AGBL4: variants seen among roughly 807,000 people sequenced by gnomAD.
AGBL4 encodes the protein AGBL carboxypeptidase 4.
In AGBL4, 58 loss-of-function variants were observed where a neutral mutation model predicts 66.4. The observed-to-expected ratio is 0.87, with a 90% CI of 0.71 to 1.09. AGBL4 has a LOEUF of 1.09. AGBL4 is among the 50% of genes least tolerant of loss of function. The pLI, the probability that AGBL4 is intolerant of heterozygous loss-of-function variation, is 0.00. For synonymous variants in AGBL4, 234 were observed against 222.9 expected (o/e 1.05, Z -0.44); for missense variants, 579 against 631.0 (o/e 0.92, Z 0.88).
intron 2 of AGBL4, among the ~76,000 whole-genome samples, chr1:49,763,968 G>A (rs549674518): frequency 6.6e-6 from 1 of 152,240 alleles, no homozygotes; most frequent in South Asian, 2.1e-4. Context: ...GCTGGCTTGG[G>A]CTCCCAGTGC....
chr1:48,861,877 T>C (rs1647503531), intron 6 of AGBL4, among the ~76,000 whole-genome samples: 1 of 152,172 alleles, frequency 6.6e-6, no homozygotes, highest in South Asian at 2.1e-4. Flanking sequence ...ATTGTAATGG[T>C]GTGCCCCCAT....
chr1:49,738,600 C>A (rs1004522740), intron 2 of AGBL4, among the ~76,000 whole-genome samples: 2 of 152,220 alleles, frequency 1.3e-5, no homozygotes, highest in Non-Finnish European at 2.9e-5. Context: ...AAAGGACAGA[C>A]TGCCTCCTCA....
chr1:48,779,866 A>G (rs763160234), intron 6 of AGBL4, among the ~76,000 whole-genome samples: 97 of 152,024 alleles, frequency 6.4e-4, no homozygotes, highest in Admixed American at 1.6e-3. Flanking sequence ...GGTGCTCGCC[A>G]CCACGCCTGG....
intron 1 of AGBL4, among the ~76,000 whole-genome samples, chr1:49,880,110 C>T (rs1384237860): frequency 3.3e-5 from 5 of 151,858 alleles, no homozygotes; most frequent in Admixed American, 3.3e-4. Flanking sequence ...GTTTGAATGT[C>T]CTCCCGTAGC....
At chr1:49,051,418 T>G (rs1015006256) in intron 4 of AGBL4, among the ~76,000 whole-genome samples, 1 of 152,182 alleles carries the variant, frequency 6.6e-6, no homozygotes, top group African/African-American at 2.4e-5. Flanking sequence ...ACGGCAGTTA[T>G]AGTCTCTTGG....
intron 1 of AGBL4, among the ~76,000 whole-genome samples, chr1:49,873,988 T>C (rs1368201889): frequency 6.6e-6 from 1 of 152,030 alleles, no homozygotes; most frequent in Non-Finnish European, 1.5e-5. Flanking sequence ...AAAACAAGAC[T>C]TACTGTAATG....
intron 3 of AGBL4, among the ~76,000 whole-genome samples, chr1:49,696,156 T>G (rs975823099): frequency 6.6e-6 from 1 of 152,186 alleles, no homozygotes; most frequent in African/African-American, 2.4e-5. Flanking sequence ...TGCTTTCATC[T>G]GCTTAAAACA....
rs74627746 is a variant in AGBL4 at position 49,896,686 on chromosome 1, G to T, written c.35-45168C>A. On this transcript the variant is annotated intron_variant, in intron 1 of 13. Coordinates refer to ENST00000371839, the MANE Select transcript of AGBL4 (RefSeq NM_032785.4). ...ATGCTAATATCACTGAACAAAAATT[G>T]ATGCAAAAATTCTCAAAAAAAAAAT... is the stretch of plus-strand genomic sequence containing the variant. Among the ~76,000 whole-genome samples, 866 of 145,064 alleles carry T rather than the reference G, an allele frequency of 6.0e-3. 6 individuals carry two copies. The highest frequency in any genetic ancestry group is 1.0e-2 in the Non-Finnish European group (656 of 65,844).
chr1:49,563,863 G>A (rs1390859491), intron 3 of AGBL4, among the ~76,000 whole-genome samples: 2 of 151,998 alleles, frequency 1.3e-5, no homozygotes, highest in African/African-American at 2.4e-5. Flanking sequence ...TCTATTGATT[G>A]GAATAGTTTC....
intron 9 of AGBL4, among the ~76,000 whole-genome samples, chr1:48,616,590 C>T (rs1201413175): frequency 1.3e-5 from 2 of 152,158 alleles, no homozygotes; most frequent in Non-Finnish European, 2.9e-5. Context: ...CTTCATATTC[C>T]TCTTTTGAAA....
chr1:49,951,355 C>T (rs1194698676), intron 1 of AGBL4, among the ~76,000 whole-genome samples: 2 of 151,956 alleles, frequency 1.3e-5, no homozygotes, highest in African/African-American at 4.8e-5. Flanking sequence ...GGTTCTCACA[C>T]ATGTGTGCCT....
At chr1:48,943,385 A>C (rs1188774485) in intron 5 of AGBL4, among the ~76,000 whole-genome samples, 3 of 152,190 alleles carry the variant, frequency 2.0e-5, no homozygotes, top group Non-Finnish European at 4.4e-5. Flanking sequence ...TGAGACACTG[A>C]GCTTCTCAGA....
rs11205620 is a variant in AGBL4, at chr1:49,332,722, T to A, written c.283-86858A>T. 2.7e-3 allele frequency among the ~76,000 whole-genome samples: 405 copies of A among 152,344 alleles called. 1 individual carries two copies. The highest frequency in any genetic ancestry group is 9.2e-3 in the African/African-American group (382 of 41,580). ...AGTAATTATTACATTATACTGATGT[T>A]ACAATGCTCCAAGACAATGAAAATT... On this transcript the variant is annotated intron_variant, in intron 3 of 13. Transcript: ENST00000371839.
chr1:49,371,499 A>G (rs1192800932), intron 3 of AGBL4, among the ~76,000 whole-genome samples: 1 of 152,110 alleles, frequency 6.6e-6, no homozygotes, highest in African/African-American at 2.4e-5. Context: ...AGTCTTTTTT[A>G]GTGGGAGTGC....
At chr1:49,636,522 A>C (rs1269513722) in intron 3 of AGBL4, among the ~76,000 whole-genome samples, 1 of 152,218 alleles carries the variant, frequency 6.6e-6, no homozygotes, top group East Asian at 1.9e-4. Context: ...TGAAATAGTC[A>C]CACAATGGAT....
intron 3 of AGBL4, among the ~76,000 whole-genome samples, chr1:49,628,302 G>A (rs1390416544): frequency 6.6e-6 from 1 of 152,004 alleles, no homozygotes; most frequent in Non-Finnish European, 1.5e-5. Context: ...AAGGGACAGA[G>A]GAACTTTTCA....
intron 3 of AGBL4, among the ~76,000 whole-genome samples, chr1:49,598,323 G>GT (rs985925461): frequency 3.9e-5 from 6 of 152,186 alleles, no homozygotes; most frequent in Non-Finnish European, 7.3e-5. Flanking sequence ...TTTCTGCTCT[G>GT]TTTTTTCCCC....
intron 6 of AGBL4, among the ~76,000 whole-genome samples, chr1:48,832,389 G>A (rs1310250328): frequency 6.6e-6 from 1 of 152,162 alleles, no homozygotes; most frequent in Non-Finnish European, 1.5e-5. Flanking sequence ...GGGAGAACAT[G>A]GCTTTCTAAG....
At chr1:49,523,151 T>A (rs1650397842) in intron 3 of AGBL4, among the ~76,000 whole-genome samples, 1 of 152,108 alleles carries the variant, frequency 6.6e-6, no homozygotes, top group African/African-American at 2.4e-5. Context: ...GGGATTCAGC[T>A]ATATTTTCAT....
Sources: gnomAD v4.1 joint callset for allele counts (sites outside exome capture counted in the v4.1 genomes callset) on GRCh38, gnomAD v4.1.1 for gene constraint, MANE v1.5 for transcripts, NCBI Gene and HGNC (gene_info 2026-07-23, HGNC 2026-07-21) for gene names.